Variants in RNF180 observed in about 807,000 individuals in gnomAD.
RNF180 encodes E3 ubiquitin-protein ligase RNF180.
Under a neutral mutation model 59.2 loss-of-function variants are expected in RNF180, and 38 were observed. The ratio of observed to expected loss-of-function variants is 0.64; its 90% confidence interval spans 0.50 to 0.84. The LOEUF is 0.84. Ranked by LOEUF, RNF180 falls within the 40% of genes least tolerant of loss-of-function variation. RNF180 has a pLI of 0.00. For synonymous variants in RNF180, 262 were observed against 240.3 expected (o/e 1.09, Z -0.84); for missense variants, 705 against 700.9 (o/e 1.01, Z -0.07).
chr5:64,181,110 ACT>A (rs1436160607), intron 1 of RNF180, among the ~76,000 whole-genome samples: 1 of 152,156 alleles, frequency 6.6e-6, no homozygotes, highest in Non-Finnish European at 1.5e-5. Context: ...AGGCTGGATG[ACT>A]CAGCAAGCCT....
chr5:64,256,438 G>A (rs535974803), intron 5 of RNF180, among the ~76,000 whole-genome samples: 26 of 152,130 alleles, frequency 1.7e-4, no homozygotes, highest in African/African-American at 6.3e-4. Flanking sequence ...AGTTTCCCCA[G>A]CACCATTTAT....
At chr5:64,260,985 A>C (rs1339967605) in intron 5 of RNF180, among the ~76,000 whole-genome samples, 1 of 151,398 alleles carries the variant, frequency 6.6e-6, no homozygotes, top group Non-Finnish European at 1.5e-5. Context: ...TTAATCCAAC[A>C]GTCATGCTCA....
chr5:64,330,911 G>A (rs945526265), intron 7 of RNF180, among the ~76,000 whole-genome samples: 3 of 152,208 alleles, frequency 2.0e-5, no homozygotes, highest in South Asian at 2.1e-4. Flanking sequence ...GCTTCGGACC[G>A]AGACATCCTT....
At chr5:64,167,667 C>T (rs1186455156) in intron 1 of RNF180, among the ~76,000 whole-genome samples, 1 of 152,050 alleles carries the variant, frequency 6.6e-6, no homozygotes, top group Non-Finnish European at 1.5e-5. Context: ...ACATAGCTAC[C>T]TGAATGATAA....
chr5:64,315,728 C>G (rs1371706179), intron 5 of RNF180, among the ~76,000 whole-genome samples: 1 of 126,798 alleles, frequency 7.9e-6, no homozygotes, highest in East Asian at 2.2e-4. Flanking sequence ...AAGAGCGTAA[C>G]TGTCTCAAAA....
At chr5:64,227,220 T>C (rs2112180367) in intron 5 of RNF180, among the ~76,000 whole-genome samples, 1 of 152,050 alleles carries the variant, frequency 6.6e-6, no homozygotes, top group African/African-American at 2.4e-5. Context: ...CTGGACAGCC[T>C]TGGGGAAAGG....
intron 1 of RNF180, among the ~76,000 whole-genome samples, chr5:64,172,989 C>T (rs1430319183): frequency 6.6e-6 from 1 of 152,196 alleles, no homozygotes; most frequent in African/African-American, 2.4e-5. Flanking sequence ...TTTGGAACCA[C>T]TGGGAAATGT....
chr5:64,264,204 A>G (rs1267452290), intron 5 of RNF180, among the ~76,000 whole-genome samples: 1 of 152,100 alleles, frequency 6.6e-6, no homozygotes, highest in Non-Finnish European at 1.5e-5. Flanking sequence ...TCCCCAAAAT[A>G]GGTCATAAGA....
At chr5:64,251,917 A>G (rs1263096424) in intron 5 of RNF180, among the ~76,000 whole-genome samples, 1 of 152,182 alleles carries the variant, frequency 6.6e-6, no homozygotes, top group Non-Finnish European at 1.5e-5. Context: ...AAACTATAAA[A>G]TATTGATGAA....
At chr5:64,308,961 ATT>A (rs1743614117) in intron 5 of RNF180, among the ~76,000 whole-genome samples, 1 of 151,566 alleles carries the variant, frequency 6.6e-6, no homozygotes, top group South Asian at 2.1e-4. Flanking sequence ...TCTCTTATCC[ATT>A]GTTTTATAAA....
chr5:64,170,164 C>A (rs1431376879), intron 1 of RNF180, among the ~76,000 whole-genome samples: 5 of 152,206 alleles, frequency 3.3e-5, no homozygotes, highest in Non-Finnish European at 5.9e-5. Flanking sequence ...GACTGCTTCC[C>A]AGTTCTGTTG....
At chr5:64,359,673 C>T (rs997626089) in intron 7 of RNF180, among the ~76,000 whole-genome samples, 1 of 151,552 alleles carries the variant, frequency 6.6e-6, no homozygotes, top group African/African-American at 2.4e-5. Context: ...TCTTTTGTTG[C>T]CATTGCTTTT....
intron 1 of RNF180, among the ~76,000 whole-genome samples, chr5:64,169,569 CATG>C (rs1486445757): frequency 2.0e-5 from 3 of 152,136 alleles, no homozygotes; most frequent in Admixed American, 1.3e-4. Context: ...TCAAAGTTCC[CATG>C]AACCAAACCC....
At chr5:64,314,686 A>G (rs1743948895) in intron 5 of RNF180, among the ~76,000 whole-genome samples, 1 of 152,204 alleles carries the variant, frequency 6.6e-6, no homozygotes, top group Non-Finnish European at 1.5e-5. Context: ...TGCATGTTGT[A>G]TAACTACTCG....
intron 1 of RNF180, among the ~76,000 whole-genome samples, chr5:64,185,954 TG>T (rs1391182086): frequency 3.3e-5 from 5 of 152,190 alleles, no homozygotes; most frequent in African/African-American, 1.2e-4. Flanking sequence ...AACTCTCTTT[TG>T]GGGAAGATGG....
Position 64,297,921 on chromosome 5 carries a change from G to A in RNF180, c.1228-27265G>A, listed in dbSNP as rs187053182. Among the ~76,000 whole-genome samples, 70 of 151,720 alleles carry A rather than the reference G, an allele frequency of 4.6e-4. No homozygotes were observed. The East Asian group carries it at 0.011, about 24-fold the overall frequency. ...TTTTCTCTTTTTAACTTTTAAGTTCGGGGGTACATGTGCAGGATGTGCAGG... is the reference window on the plus strand; with the variant it reads ...TTTTCTCTTTTTAACTTTTAAGTTCAGGGGTACATGTGCAGGATGTGCAGG... On this transcript the variant is annotated intron_variant, in intron 5 of 7. Transcript: ENST00000389100.
At chr5:64,228,211 C>T (rs1741890725) in intron 5 of RNF180, among the ~76,000 whole-genome samples, 1 of 152,094 alleles carries the variant, frequency 6.6e-6, no homozygotes, top group African/African-American at 2.4e-5. Context: ...ATGTAAGCAT[C>T]AATCATTAGG....
chr5:64,268,872 T>C (rs1285514517), intron 5 of RNF180, among the ~76,000 whole-genome samples: 1 of 152,138 alleles, frequency 6.6e-6, no homozygotes, highest in Non-Finnish European at 1.5e-5. Context: ...AACATGACTT[T>C]TTATCACAAG....
At chr5:64,267,901 A>G (rs955351007) in intron 5 of RNF180, among the ~76,000 whole-genome samples, 2 of 152,138 alleles carry the variant, frequency 1.3e-5, no homozygotes, top group African/African-American at 4.8e-5. Flanking sequence ...GGTAGTGCTG[A>G]TACTGCTGTG....
Sources: allele counts gnomAD v4.1 joint callset (sites outside exome capture counted in the v4.1 genomes callset), GRCh38; gene constraint gnomAD v4.1.1; transcripts MANE v1.5; gene names NCBI Gene and HGNC (gene_info 2026-07-23, HGNC 2026-07-21).